Variants in RBFOX1 observed in about 807,000 individuals in gnomAD.
RBFOX1 encodes the protein RNA binding protein fox-1 homolog 1.
RBFOX1 carries 8 observed loss-of-function variants against 57.7 expected under a neutral mutation model. The observed-to-expected ratio is 0.14, with a 90% CI of 0.08 to 0.25. RBFOX1 has a LOEUF of 0.25. Among genes scored for constraint, RBFOX1 ranks in the 10% least tolerant of loss-of-function variants. The pLI, the probability that RBFOX1 is intolerant of heterozygous loss-of-function variation, is 1.00. For synonymous variants in RBFOX1, 326 were observed against 222.4 expected (o/e 1.47, Z -4.15); for missense variants, 611 against 548.5 (o/e 1.11, Z -1.14).
intron 3 of RBFOX1, among the ~76,000 whole-genome samples, chr16:5,864,501 A>T (rs2057299411): frequency 6.8e-6 from 1 of 147,476 alleles, no homozygotes; most frequent in Non-Finnish European, 1.5e-5. Flanking sequence ...ATATGCATCT[A>T]TTGTGTGTGT....
At chr16:6,222,525 T>G (rs1182837472) in intron 1 of RBFOX1, among the ~76,000 whole-genome samples, 2 of 151,806 alleles carry the variant, frequency 1.3e-5, no homozygotes, top group Non-Finnish European at 2.9e-5. Flanking sequence ...AGCTCTGACA[T>G]AGCAACCATC....
At chr16:6,096,978 C>G (rs2096252565) in intron 1 of RBFOX1, among the ~76,000 whole-genome samples, 1 of 152,160 alleles carries the variant, frequency 6.6e-6, no homozygotes, top group Admixed American at 6.6e-5. Flanking sequence ...CCACCCAAAT[C>G]TTATCTTGAA....
intron 3 of RBFOX1, among the ~76,000 whole-genome samples, chr16:5,704,427 T>G (rs1399535402): frequency 1.3e-5 from 2 of 152,056 alleles, no homozygotes; most frequent in Non-Finnish European, 2.9e-5. Flanking sequence ...TGGGGTGTGA[T>G]TTATTAGAAT....
rs116147750 is a variant in RBFOX1 at position 5,979,879 on chromosome 16, A to T, written c.351+112544A>T. Among the ~76,000 whole-genome samples, 862 of 152,204 alleles carry T rather than the reference A, an allele frequency of 5.7e-3. 8 individuals carry two copies. Among genetic ancestry groups the T allele is most frequent in the African/African-American group, 0.019 (786 of 41,522 alleles). ...CTGACTCAAAGAAAGAAAGAAATTA[A>T]AGTGTATTTAAGGTGCAAGAGGTTA... On this transcript the variant is annotated intron_variant, in intron 4 of 19. Coordinates refer to the RBFOX1 transcript ENST00000641259.
At chr16:7,173,191 A>C (rs1455097101) in intron 4 of RBFOX1, among the ~76,000 whole-genome samples, 1 of 152,290 alleles carries the variant, frequency 6.6e-6, no homozygotes, top group African/African-American at 2.4e-5. Flanking sequence ...TTTATTATTA[A>C]CGTAAAATTA....
intron 1 of RBFOX1, among the ~76,000 whole-genome samples, chr16:6,052,555 C>A (rs1024019933): frequency 6.6e-6 from 1 of 151,718 alleles, no homozygotes; most frequent in Admixed American, 6.6e-5. Flanking sequence ...GAGGCCGAGG[C>A]GGGCGGATCA....
intron 3 of RBFOX1, among the ~76,000 whole-genome samples, chr16:6,854,587 A>ATTTTTTTTTTTTTTTTTTTTTTTTT (rs71147611): frequency 1.4e-5 from 1 of 70,650 alleles, no homozygotes; most frequent in Non-Finnish European, 2.6e-5. Context: ...GGAGAGGTGA[A>ATTTTTTTTTTTTTTTTTTTTTTTTT]TTTTTTTTTT....
chr16:7,449,796 G>C (rs544165014), intron 4 of RBFOX1, among the ~76,000 whole-genome samples: 1 of 150,348 alleles, frequency 6.7e-6, no homozygotes, highest in African/African-American at 2.4e-5. Flanking sequence ...AGAAAACACT[G>C]CTTCTGTGAC....
intron 4 of RBFOX1, among the ~76,000 whole-genome samples, chr16:7,501,591 C>G (rs754831671): frequency 1.3e-5 from 2 of 152,166 alleles, no homozygotes; most frequent in Non-Finnish European, 1.5e-5. Flanking sequence ...TGAAAATGTC[C>G]TCATTGCTTT....
At chr16:6,895,347 G>A (rs1421665078) in intron 3 of RBFOX1, among the ~76,000 whole-genome samples, 1 of 149,816 alleles carries the variant, frequency 6.7e-6, no homozygotes, top group Non-Finnish European at 1.5e-5. Context: ...ATATGGAATG[G>A]AACTAAGCAG....
At chr16:6,968,799 A>G (rs1388999140) in intron 3 of RBFOX1, among the ~76,000 whole-genome samples, 1 of 151,702 alleles carries the variant, frequency 6.6e-6, no homozygotes, top group Admixed American at 6.6e-5. Context: ...TTAGCTCAGA[A>G]TGTATTAATC....
chr16:6,483,537 C>G (rs1050045486), intron 2 of RBFOX1: 36 of 1,535,540 alleles, frequency 2.3e-5, no homozygotes, highest in Non-Finnish European at 3.0e-5. Flanking sequence ...GTGGGAGATG[C>G]CCTTCAGGTA....
intron 2 of RBFOX1, among the ~76,000 whole-genome samples, chr16:6,511,833 C>A (rs369934205): frequency 3.3e-5 from 5 of 152,144 alleles, no homozygotes; most frequent in Admixed American, 3.3e-4. Flanking sequence ...CTTGAAGTCA[C>A]GGCTTTCTTC....
At chr16:6,802,006 T>TGGGG (rs767191649) in intron 3 of RBFOX1, among the ~76,000 whole-genome samples, 3 of 152,072 alleles carry the variant, frequency 2.0e-5, no homozygotes, top group Admixed American at 6.6e-5. Context: ...TCATGGAGGT[T>TGGGG]GGGGGAGTTC....
intron 3 of RBFOX1, among the ~76,000 whole-genome samples, chr16:5,848,494 G>C (rs1038510709): frequency 8.5e-5 from 13 of 152,110 alleles, no homozygotes; most frequent in Non-Finnish European, 1.5e-4. Context: ...ATGGACTCCA[G>C]GTTAAGAGAC....
chr16:5,288,011 C>T (rs1440191046), intron 1 of RBFOX1, among the ~76,000 whole-genome samples: 1 of 152,182 alleles, frequency 6.6e-6, no homozygotes, highest in Non-Finnish European at 1.5e-5. Flanking sequence ...CAATGGGGGC[C>T]TGACTAGGGA....
At chr16:7,276,207 C>T (rs1398850101) in intron 4 of RBFOX1, among the ~76,000 whole-genome samples, 1 of 152,164 alleles carries the variant, frequency 6.6e-6, no homozygotes, top group East Asian at 1.9e-4. Flanking sequence ...CAGAGTGAAG[C>T]AGTATCCAGA....
At chr16:6,292,009 A>T (rs2077519815) in intron 1 of RBFOX1, among the ~76,000 whole-genome samples, 1 of 151,970 alleles carries the variant, frequency 6.6e-6, no homozygotes, top group Non-Finnish European at 1.5e-5. Flanking sequence ...TCTGTGTTGT[A>T]CAGGAGTAAA....
chr16:7,226,716 A>G (rs2093146648), intron 4 of RBFOX1, among the ~76,000 whole-genome samples: 1 of 152,244 alleles, frequency 6.6e-6, no homozygotes, highest in African/African-American at 2.4e-5. Flanking sequence ...GTTCAGAGAT[A>G]CGTCTAAAGT....
Sources: allele counts gnomAD v4.1 joint callset (sites outside exome capture counted in the v4.1 genomes callset), GRCh38; gene constraint gnomAD v4.1.1; transcripts MANE v1.5; gene names NCBI Gene and HGNC (gene_info 2026-07-23, HGNC 2026-07-21).